GRIA1: variants seen among roughly 807,000 people sequenced by gnomAD.
The protein encoded by GRIA1 is glutamate ionotropic receptor AMPA type subunit 1, also known as glutamate receptor 1.
In GRIA1, 31 loss-of-function variants were observed where a neutral mutation model predicts 99.2. The observed-to-expected ratio is 0.31, with a 90% CI of 0.23 to 0.42. The LOEUF is 0.42. GRIA1 is among the 10% of genes least tolerant of loss of function. GRIA1 has a pLI of 1.00. For missense variants in GRIA1, 782 were observed against 1,157.5 expected, an observed-to-expected ratio of 0.68 and a Z score of 4.71; for synonymous variants, 438 against 432.4, an observed-to-expected ratio of 1.01 and a Z score of -0.16.
Position 153,515,102 on chromosome 5 carries a change from T to C in GRIA1, c.220+21037T>C, listed in dbSNP as rs572010288. Among the ~76,000 whole-genome samples, 11 of 152,316 alleles carry C rather than the reference T, an allele frequency of 7.2e-5. No individual in the cohort carries two copies. In the East Asian group the frequency reaches 2.1e-3, roughly 29 times the overall value. ...TATCATGATTCAACCAATTGAATCA[T>C]GGTAAACATCTAAAGTTCTGGGTAT... On this transcript the variant is annotated intron_variant, in intron 2 of 15. Transcript: ENST00000285900.
chr5:153,660,331 A>C (rs944417420), intron 5 of GRIA1, among the ~76,000 whole-genome samples: 1 of 152,206 alleles, frequency 6.6e-6, no homozygotes, highest in Non-Finnish European at 1.5e-5. Context: ...ACTTAAATGC[A>C]TGTCAATTAA....
intron 8 of GRIA1, among the ~76,000 whole-genome samples, chr5:153,689,744 C>G (rs1439192477): frequency 1.3e-5 from 2 of 152,162 alleles, no homozygotes; most frequent in African/African-American, 2.4e-5. Flanking sequence ...TCAGTGCCAT[C>G]TGCTGCATTT....
chr5:153,751,339 T>C (rs1762500336), intron 11 of GRIA1, among the ~76,000 whole-genome samples: 1 of 152,232 alleles, frequency 6.6e-6, no homozygotes. Context: ...ACTGGATAGA[T>C]GGTTTTTAAA....
intron 2 of GRIA1, among the ~76,000 whole-genome samples, chr5:153,553,800 C>T (rs1760369901): frequency 6.6e-6 from 1 of 152,116 alleles, no homozygotes; most frequent in Non-Finnish European, 1.5e-5. Flanking sequence ...TGGGAAACTG[C>T]CTTTCCCTGG....
At chr5:153,555,622 C>T (rs1183899729) in intron 2 of GRIA1, among the ~76,000 whole-genome samples, 2 of 152,110 alleles carry the variant, frequency 1.3e-5, no homozygotes, top group African/African-American at 4.8e-5. Flanking sequence ...CAGCTGGGCA[C>T]AAGCCTGTTG....
chr5:153,780,407 A>C (rs1185218047), intron 13 of GRIA1, among the ~76,000 whole-genome samples: 1 of 152,214 alleles, frequency 6.6e-6, no homozygotes, highest in East Asian at 1.9e-4. Flanking sequence ...GACTGGTATG[A>C]ATCCCAGGTC....
intron 13 of GRIA1, among the ~76,000 whole-genome samples, chr5:153,770,627 G>A (rs1208826911): frequency 6.6e-6 from 1 of 152,128 alleles, no homozygotes; most frequent in Non-Finnish European, 1.5e-5. Context: ...TGCTGTGACT[G>A]TCACTGCCCA....
At chr5:153,610,778 A>T (rs1561688026) in intron 2 of GRIA1, among the ~76,000 whole-genome samples, 2 of 152,236 alleles carry the variant, frequency 1.3e-5, no homozygotes, top group East Asian at 3.8e-4. Flanking sequence ...AAAGTCATGC[A>T]TATAAAGTAT....
intron 2 of GRIA1, among the ~76,000 whole-genome samples, chr5:153,607,341 T>G (rs1765548791): frequency 6.6e-6 from 1 of 151,890 alleles, no homozygotes. Flanking sequence ...TTTCATTAAC[T>G]TCTACACTTT....
rs77325244 is a variant in GRIA1, at chr5:153,546,052, G to A, written c.220+51987G>A. Among the ~76,000 whole-genome samples, 213 of 152,268 alleles carry A rather than the reference G, an allele frequency of 1.4e-3. 3 individuals are homozygous for A. The East Asian group carries it at 0.029, about 21-fold the overall frequency. On this transcript the variant is annotated intron_variant, in intron 2 of 15. Transcript: ENST00000285900. ...GTCCAAAGAATATAATTACTGAGGC[G>A]TGTGTCACTGGAAATGCATTCCAAT...
At chr5:153,766,524 T>G (rs1763528460) in intron 12 of GRIA1, among the ~76,000 whole-genome samples, 1 of 152,198 alleles carries the variant, frequency 6.6e-6, no homozygotes, top group East Asian at 1.9e-4. Flanking sequence ...AAGAGGTATT[T>G]GTGGCAGCCA....
At chr5:153,622,432 A>G (rs930087426) in intron 2 of GRIA1, among the ~76,000 whole-genome samples, 1 of 152,200 alleles carries the variant, frequency 6.6e-6, no homozygotes, top group African/African-American at 2.4e-5. Flanking sequence ...ACATAATCAA[A>G]TAGGCCTCTT....
chr5:153,588,627 T>C (rs1318733240), intron 2 of GRIA1, among the ~76,000 whole-genome samples: 1 of 152,236 alleles, frequency 6.6e-6, no homozygotes, highest in Non-Finnish European at 1.5e-5. Context: ...GAGCCTATGG[T>C]TTTATACTTT....
chr5:153,723,354 C>T (rs184198967), intron 11 of GRIA1, among the ~76,000 whole-genome samples: 1 of 152,310 alleles, frequency 6.6e-6, no homozygotes, highest in East Asian at 1.9e-4. Context: ...ATCTGAGGTA[C>T]CAGGTTCATC....
intron 5 of GRIA1, among the ~76,000 whole-genome samples, chr5:153,671,780 A>T (rs1164554810): frequency 2.6e-5 from 4 of 152,200 alleles, no homozygotes; most frequent in African/African-American, 9.6e-5. Context: ...TTGCTCTAGG[A>T]GCAGGTTCTA....
intron 5 of GRIA1, among the ~76,000 whole-genome samples, chr5:153,665,802 A>G (rs1172541314): frequency 6.6e-6 from 1 of 152,220 alleles, no homozygotes. Context: ...AAGCAGAGCT[A>G]CTATGGTGGA....
intron 11 of GRIA1, among the ~76,000 whole-genome samples, chr5:153,743,043 C>T (rs1207704082): frequency 1.3e-5 from 2 of 152,140 alleles, no homozygotes. Flanking sequence ...CCAAGGACAC[C>T]ACCCAGTTCT....
chr5:153,743,775 T>A (rs1761971314), intron 11 of GRIA1, among the ~76,000 whole-genome samples: 1 of 152,206 alleles, frequency 6.6e-6, no homozygotes. Flanking sequence ...GCAAAATCCC[T>A]TTTGCAATTG....
At chr5:153,519,204 G>T (rs1756907777) in intron 2 of GRIA1, among the ~76,000 whole-genome samples, 1 of 152,210 alleles carries the variant, frequency 6.6e-6, no homozygotes, top group Non-Finnish European at 1.5e-5. Context: ...GGCAGCTGCA[G>T]TGAGCCAAGA....
Sources: allele counts gnomAD v4.1 joint callset (sites outside exome capture counted in the v4.1 genomes callset), GRCh38; gene constraint gnomAD v4.1.1; transcripts MANE v1.5; gene names NCBI Gene and HGNC (gene_info 2026-07-23, HGNC 2026-07-21).